The following CEACAM3 variants were observed in gnomAD, a reference collection of about 807,000 sequenced individuals.
CEACAM3 encodes the protein cell adhesion molecule CEACAM3.
Under a neutral mutation model 30.1 loss-of-function variants are expected in CEACAM3, and 32 were observed. The observed-to-expected ratio is 1.06, with a 90% CI of 0.80 to 1.43. The LOEUF (loss-of-function observed/expected upper bound fraction) is 1.43. Among genes scored for constraint, CEACAM3 ranks in the 40% most tolerant of loss-of-function variants. The pLI is 0.00. For synonymous variants in CEACAM3, 134 were observed against 127.2 expected, an observed-to-expected ratio of 1.05 and a Z score of -0.36; for missense variants, 290 against 316.3, an observed-to-expected ratio of 0.92 and a Z score of 0.63.
At chr19:41,796,945 G>A (rs2073107442) in intron 1 of CEACAM3, among the ~76,000 whole-genome samples, 1 of 152,212 alleles carries the variant, frequency 6.6e-6, no homozygotes, top group Non-Finnish European at 1.5e-5. Flanking sequence ...CATTGATCAT[G>A]TTTTCCAAGT....
intron 2 of CEACAM3, among the ~76,000 whole-genome samples, chr19:41,798,639 A>C (rs1471426496): frequency 6.6e-6 from 1 of 152,246 alleles, no homozygotes; most frequent in Admixed American, 6.5e-5. Flanking sequence ...TGGGAAGTTC[A>C]GTATCCCCAG....
At chr19:41,807,477 A>T in intron 2 of CEACAM3, 3 of 1,382,680 alleles carry the variant, frequency 2.2e-6, no homozygotes, top group East Asian at 3.2e-5. Flanking sequence ...AAGTCCAGGG[A>T]CTCAGACTCT....
At chr19:41,800,391 G>A (rs1048625013) in intron 2 of CEACAM3, among the ~76,000 whole-genome samples, 6 of 152,080 alleles carry the variant, frequency 3.9e-5, no homozygotes, top group Non-Finnish European at 7.4e-5. Context: ...GAAAACACCC[G>A]CTACTTGGCA....
intron 6 of CEACAM3, 118 bp downstream of exon 6, chr19:41,811,015 G>T: frequency 2.4e-6 from 3 of 1,270,280 alleles, no homozygotes. Context: ...AAGAACGGGG[G>T]TGGCGAGCAG....
At chr19:41,800,833 G>C (rs1011386602) in intron 2 of CEACAM3, among the ~76,000 whole-genome samples, 24 of 152,108 alleles carry the variant, frequency 1.6e-4, no homozygotes, top group Admixed American at 6.5e-5. Flanking sequence ...AGCGCAGTCA[G>C]ACATTCGGGG....
chr19:41,807,655 G>A, intron 2 of CEACAM3: 1 of 1,174,092 alleles, frequency 8.5e-7, no homozygotes, highest in Non-Finnish European at 1.1e-6. Flanking sequence ...GACAGATTGG[G>A]TTTCGTTAGG....
intron 2 of CEACAM3, among the ~76,000 whole-genome samples, chr19:41,804,335 T>C (rs1257502096): frequency 6.6e-6 from 1 of 152,050 alleles, no homozygotes; most frequent in East Asian, 1.9e-4. Context: ...GGTGGGGAGA[T>C]GCACCAGCCA....
intron 1 of CEACAM3, 133 bp downstream of exon 1, chr19:41,796,874 G>A (rs1173413007): frequency 1.7e-5 from 15 of 865,532 alleles, no homozygotes; most frequent in African/African-American, 1.4e-4. Flanking sequence ...ACATCAGAGA[G>A]GGACACGGGT....
At position 41,810,031 on chromosome 19, in the gene CEACAM3, C is replaced by G; in HGVS notation, c.595+14C>G. 6.2e-7 allele frequency: 1 copy of G among 1,613,434 alleles called. No individual in the cohort carries two copies. Among genetic ancestry groups the G allele is most frequent in the Non-Finnish European group, 8.5e-7 (1 of 1,179,508 alleles). ...CCCTTGCCCCTGGTGAGTGTCCTCT[C>G]AGCCCAGGTGTGGCTGGGAACCCCT... On this transcript the variant is annotated intron_variant, in intron 4 of 6. Transcript: ENST00000357396.
At chr19:41,808,651 A>T (rs1245383836) in intron 2 of CEACAM3, among the ~76,000 whole-genome samples, 162 bp from the exon 3 acceptor site, 1 of 152,246 alleles carries the variant, frequency 6.6e-6, no homozygotes, top group South Asian at 2.1e-4. Flanking sequence ...TGGTGCCACC[A>T]TGGAAAGCAA....
At chr19:41,803,988 A>G (rs10426020) in intron 2 of CEACAM3, among the ~76,000 whole-genome samples, 75,048 of 151,320 alleles carry the variant, frequency 0.5, 21,200 homozygotes, top group Middle Eastern at 0.73. Context: ...GGCTGAGGCA[A>G]GAGAATTGCT....
chr19:41,809,027 C>G, intron 3 of CEACAM3, 97 bp downstream of exon 3: 1 of 861,010 alleles, frequency 1.2e-6, no homozygotes, highest in Non-Finnish European at 1.8e-6. Context: ...AGGCTCTCCA[C>G]GGCCTCCCAA....
intron 5 of CEACAM3, among the ~76,000 whole-genome samples, chr19:41,810,556 AC>A (rs1453242241): frequency 6.6e-6 from 1 of 151,620 alleles, no homozygotes; most frequent in Non-Finnish European, 1.5e-5. Flanking sequence ...CCTCCCCGGG[AC>A]CCTCCATCAC....
chr19:41,799,122 T>C (rs912625980), intron 2 of CEACAM3, among the ~76,000 whole-genome samples: 6 of 152,216 alleles, frequency 3.9e-5, no homozygotes, highest in Admixed American at 2.6e-4. Context: ...TTTTTCCTGA[T>C]ATAGTTTGGA....
intron 2 of CEACAM3, among the ~76,000 whole-genome samples, chr19:41,805,295 T>C (rs1484955452): frequency 6.7e-6 from 1 of 148,474 alleles, no homozygotes; most frequent in Non-Finnish European, 1.5e-5. Flanking sequence ...CTTTTTTTTT[T>C]TTTTTTTTTT....
intron 4 of CEACAM3, 93 bp from the exon 5 acceptor site, chr19:41,810,230 A>G: frequency 6.8e-7 from 1 of 1,474,968 alleles, no homozygotes; most frequent in Non-Finnish European, 9.3e-7. Flanking sequence ...TCAGCTGCTC[A>G]GGTATCTTAG....
At chr19:41,805,015 C>G (rs1763171100) in intron 2 of CEACAM3, among the ~76,000 whole-genome samples, 1 of 152,106 alleles carries the variant, frequency 6.6e-6, no homozygotes, top group Non-Finnish European at 1.5e-5. Context: ...GAAATGCTCA[C>G]TGGAGCATTT....
intron 3 of CEACAM3, 68 bp downstream of exon 3, chr19:41,808,998 T>G (rs2073227168): frequency 8.5e-7 from 1 of 1,171,536 alleles, no homozygotes; most frequent in Non-Finnish European, 1.2e-6. Flanking sequence ...AAAGGAGACC[T>G]TGTCCTGTAT....
In CEACAM3 at chr19:41,796,802, C is replaced by G. The variant is rs1426158017; in HGVS notation, c.64+61C>G. On this transcript the variant is annotated intron_variant, in intron 1 of 6. Coordinates refer to ENST00000357396, the MANE Select transcript of CEACAM3 (RefSeq NM_001815.5). Reference sequence around the variant, plus strand: ...GGATCACAGAGAATGGCTGGGGTCTCCTGGGGAGGATGGGGCTCTGATAGG... The same window carrying G: ...GGATCACAGAGAATGGCTGGGGTCTGCTGGGGAGGATGGGGCTCTGATAGG... 8 of 1,548,846 alleles carry G rather than the reference C, an allele frequency of 5.2e-6. No individual in the cohort carries two copies. In the African/African-American group the frequency reaches 1.1e-4, roughly 21 times the overall value.
Sources: allele counts gnomAD v4.1 joint callset (sites outside exome capture counted in the v4.1 genomes callset), GRCh38; gene constraint gnomAD v4.1.1; transcripts MANE v1.5; gene names NCBI Gene and HGNC (gene_info 2026-07-23, HGNC 2026-07-21).